The following PAG1 variants were observed in gnomAD, a reference collection of about 807,000 sequenced individuals.
The protein encoded by PAG1 is phosphoprotein membrane anchor with glycosphingolipid microdomains 1, also known as phosphoprotein associated with glycosphingolipid-enriched microdomains 1.
In PAG1, 23 loss-of-function variants were observed where a neutral mutation model predicts 31.7. The observed-to-expected ratio is 0.73, with a 90% CI of 0.52 to 1.03. The LOEUF (loss-of-function observed/expected upper bound fraction) is 1.03. Ranked by LOEUF, PAG1 falls within the 50% of genes least tolerant of loss-of-function variation. The pLI, the probability that PAG1 is intolerant of heterozygous loss-of-function variation, is 0.00. For synonymous variants in PAG1, 214 were observed against 210.3 expected (o/e 1.02, Z -0.15); for missense variants, 473 against 540.7 (o/e 0.87, Z 1.24).
intron 1 of PAG1, among the ~76,000 whole-genome samples, chr8:81,094,500 T>C (rs184769789): frequency 3.3e-5 from 5 of 152,302 alleles, no homozygotes; most frequent in South Asian, 2.1e-4. Context: ...TGAGGCCTAA[T>C]GGTTGGGTTT....
Position 80,991,585 on chromosome 8 carries a change from G to A in PAG1, c.126-55C>T, listed in dbSNP as rs115422503. 2.3e-3 allele frequency: 2,667 copies of A among 1,168,686 alleles called. 40 individuals carry two copies. The African/African-American group carries it at 0.034, about 15-fold the overall frequency. The allele number at this position is 1,168,686 out of a possible 1,614,324, so 72.4% of individuals were successfully genotyped here. ...CAAATGTGCCCCCTTAAAATCAAGC[G>A]CACACTACCCTTTCCTATCCCAATT... On this transcript the variant is annotated intron_variant, in intron 4 of 8. Transcript: ENST00000220597.
chr8:81,067,979 C>G (rs983886069), intron 2 of PAG1, among the ~76,000 whole-genome samples: 1 of 152,178 alleles, frequency 6.6e-6, no homozygotes, highest in Non-Finnish European at 1.5e-5. Flanking sequence ...TCACTGAAAC[C>G]TCTGCCTCCT....
intron 3 of PAG1, among the ~76,000 whole-genome samples, chr8:81,026,199 G>C (rs548319124): frequency 6.6e-6 from 1 of 151,886 alleles, no homozygotes; most frequent in South Asian, 2.1e-4. Context: ...ATGAGTGTTT[G>C]TTAAATAAAA....
chr8:81,107,762 C>A (rs944284332), intron 1 of PAG1, among the ~76,000 whole-genome samples: 4 of 152,210 alleles, frequency 2.6e-5, no homozygotes, highest in African/African-American at 7.2e-5. Flanking sequence ...TCATACTTAA[C>A]CCCTGCCCTT....
intron 3 of PAG1, among the ~76,000 whole-genome samples, chr8:81,001,916 C>T (rs979502632): frequency 2.0e-5 from 3 of 152,314 alleles, no homozygotes; most frequent in African/African-American, 7.2e-5. Context: ...GTGAGAGCCA[C>T]ACCCATCTCC....
intron 3 of PAG1, among the ~76,000 whole-genome samples, chr8:80,994,484 G>A (rs1479225467): frequency 1.3e-5 from 2 of 152,170 alleles, no homozygotes; most frequent in South Asian, 2.1e-4. Context: ...CTGTGTAGGA[G>A]GCACTGTTAA....
At chr8:81,002,212 C>CTT (rs577927226) in intron 3 of PAG1, among the ~76,000 whole-genome samples, 1 of 145,444 alleles carries the variant, frequency 6.9e-6, no homozygotes, top group African/African-American at 2.5e-5. Context: ...ATTCAGCCAC[C>CTT]TTTTTTTTTT....
rs57438015 is a variant in PAG1, at chr8:80,981,862, CTTTTTTTTTTTT to C, written c.877-1380_877-1369del. 1.1e-4 allele frequency among the ~76,000 whole-genome samples: 11 copies of C among 103,426 alleles called. 1 individual carries two copies. The highest frequency in any genetic ancestry group is 5.5e-4 in the African/African-American group (11 of 19,992). The allele number at this position is 103,426 out of a possible 152,430, so 67.9% of individuals were successfully genotyped here. On this transcript the variant is annotated intron_variant, in intron 7 of 8. Coordinates refer to ENST00000220597, the MANE Select transcript of PAG1 (RefSeq NM_018440.4). The stretch of plus-strand genomic sequence containing the variant: ...TTCTACCTACTCATTATCTCACTTC[CTTTTTTTTTTTT>C]TTTTTTTTTTTGACAGCGTCTCACT...
At chr8:81,059,607 T>C (rs1484546527) in intron 2 of PAG1, among the ~76,000 whole-genome samples, 1 of 152,182 alleles carries the variant, frequency 6.6e-6, no homozygotes, top group East Asian at 1.9e-4. Flanking sequence ...TTTCTGTGCA[T>C]GTGTCTTTCT....
At chr8:81,063,906 T>C (rs990119997) in intron 2 of PAG1, among the ~76,000 whole-genome samples, 3 of 152,120 alleles carry the variant, frequency 2.0e-5, no homozygotes, top group South Asian at 2.1e-4. Context: ...TGAGGAGGAA[T>C]TTGATCTAAG....
At chr8:81,079,656 C>G (rs1053708364) in intron 1 of PAG1, among the ~76,000 whole-genome samples, 2 of 151,954 alleles carry the variant, frequency 1.3e-5, no homozygotes, top group Non-Finnish European at 2.9e-5. Context: ...GTGGAGGGGC[C>G]TTGAATTGTA....
intron 3 of PAG1, among the ~76,000 whole-genome samples, chr8:81,002,541 T>C (rs1323350785): frequency 1.3e-5 from 2 of 152,226 alleles, no homozygotes; most frequent in Non-Finnish European, 2.9e-5. Flanking sequence ...GAGGAGTTTG[T>C]AACACCAGTT....
In PAG1 at chr8:80,975,235, A is replaced by G. The variant is rs961043307; in HGVS notation, c.*1309T>C. On this transcript the variant is annotated 3_prime_UTR_variant, in exon 9 of 9. Coordinates refer to ENST00000220597, the MANE Select transcript of PAG1 (RefSeq NM_018440.4). Reference sequence around the variant, plus strand: ...TTCCATTTATTTCTCTAGGGGGTCTAGGTAATTTGAATCAGGAGCTCCAAG... The same window carrying G: ...TTCCATTTATTTCTCTAGGGGGTCTGGGTAATTTGAATCAGGAGCTCCAAG... The G allele has an allele frequency of 3.3e-5, 5 of 152,216 alleles. No homozygotes were observed. Among genetic ancestry groups the G allele is most frequent in the African/African-American group, 1.2e-4 (5 of 41,450 alleles). The allele number at this position is 152,216 out of a possible 1,614,324, so 9.4% of individuals were successfully genotyped here.
Position 81,068,794 on chromosome 8 carries a change from A to C in PAG1, c.-175+1318T>G, listed in dbSNP as rs183622356. On this transcript the variant is annotated intron_variant, in intron 2 of 8. Transcript: ENST00000220597. ...TCAGCCATGTACAAAAAAGTACCAC[A>C]CAACGCTTTCCAGAAATTGGGAGGA... 2.2e-4 allele frequency among the ~76,000 whole-genome samples: 33 copies of C among 152,340 alleles called. No homozygotes were observed. The East Asian group carries it at 5.2e-3, about 24-fold the overall frequency.
Position 80,975,047 on chromosome 8 carries a change from T to G in PAG1, c.*1497A>C, listed in dbSNP as rs978666046. The G allele has an allele frequency of 3.0e-4, 45 of 152,238 alleles. 1 individual carries two copies. The highest frequency in any genetic ancestry group is 1.0e-3 in the African/African-American group (43 of 41,462). The allele number at this position is 152,238 out of a possible 1,614,324, so 9.4% of individuals were successfully genotyped here. A position where few individuals can be genotyped will look rare whatever the true frequency, so the allele number is the denominator to read the frequency against. ...CTGGACTACAGAATTCATCACTGTT[T>G]TCTGAAAAAATATAATTAAACCTTA... On this transcript the variant is annotated 3_prime_UTR_variant, in exon 9 of 9. Transcript: ENST00000220597.
Position 80,987,451 on chromosome 8 carries a change from T to A in PAG1, c.193A>T (p.Met65Leu). ...AGGCTAGTAACTGAACGGCTGAACATCTCCTTGTCTGAAGGCTGAAAACAA... is the reference window on the plus strand; with the variant it reads ...AGGCTAGTAACTGAACGGCTGAACAACTCCTTGTCTGAAGGCTGAAAACAA... ...NLMNVPSDKE[M>L]FSRSVTSLAT... The change falls in exon 6 of 9, where the codon ATG becomes TTG. Residue 65 changes from methionine to leucine, a missense_variant. Coordinates refer to ENST00000220597, the MANE Select transcript of PAG1 (RefSeq NM_018440.4). 6.2e-7 allele frequency: 1 copy of A among 1,613,568 alleles called. No individual in the cohort carries two copies. The highest frequency in any genetic ancestry group is 8.5e-7 in the Non-Finnish European group (1 of 1,179,518).
chr8:81,032,874 T>C (rs1224599134), intron 2 of PAG1, among the ~76,000 whole-genome samples: 1 of 152,188 alleles, frequency 6.6e-6, no homozygotes, highest in Non-Finnish European at 1.5e-5. Context: ...TACAGAAGAA[T>C]AGTATTCAGC....
chr8:81,053,080 TTAA>T (rs1392576010), intron 2 of PAG1, among the ~76,000 whole-genome samples: 1 of 152,194 alleles, frequency 6.6e-6, no homozygotes, highest in African/African-American at 2.4e-5. Context: ...GAATGCAGAG[TTAA>T]TAATATCATA....
intron 2 of PAG1, among the ~76,000 whole-genome samples, chr8:81,033,854 C>T (rs1808420355): frequency 1.3e-5 from 2 of 152,224 alleles, no homozygotes; most frequent in African/African-American, 2.4e-5. Context: ...GCTGAGCCCC[C>T]GCTGGCAGTG....
Sources: gnomAD v4.1 joint callset for allele counts (sites outside exome capture counted in the v4.1 genomes callset) on GRCh38, gnomAD v4.1.1 for gene constraint, MANE v1.5 for transcripts, NCBI Gene and HGNC (gene_info 2026-07-23, HGNC 2026-07-21) for gene names.